The following MAPK10 variants were observed in gnomAD, a reference collection of about 807,000 sequenced individuals.
MAPK10 encodes the protein mitogen-activated protein kinase 10.
Under a neutral mutation model 59.3 loss-of-function variants are expected in MAPK10, and 25 were observed. The observed-to-expected ratio is 0.42, with a 90% confidence interval of 0.31 to 0.59. MAPK10 has a LOEUF of 0.59. Ranked by LOEUF, MAPK10 falls within the 20% of genes least tolerant of loss-of-function variation. The pLI is 0.15. For missense variants in MAPK10, 351 were observed against 568.9 expected, an observed-to-expected ratio of 0.62 and a Z score of 3.90; for synonymous variants, 190 against 200.5, an observed-to-expected ratio of 0.95 and a Z score of 0.44.
At chr4:86,495,404 G>A (rs1397997290) in intron 1 of MAPK10, among the ~76,000 whole-genome samples, 1 of 152,072 alleles carries the variant, frequency 6.6e-6, no homozygotes, top group African/African-American at 2.4e-5. Context: ...CCCTTCCCTT[G>A]AGACTATTTT....
chr4:86,465,139 T>A (rs1188415913), intron 1 of MAPK10, among the ~76,000 whole-genome samples: 6 of 152,216 alleles, frequency 3.9e-5, no homozygotes, highest in Non-Finnish European at 7.3e-5. Context: ...GTCACACATG[T>A]TCCCTTGTTT....
At chr4:86,204,452 T>A (rs928736173) in intron 2 of MAPK10, among the ~76,000 whole-genome samples, 1 of 151,906 alleles carries the variant, frequency 6.6e-6, no homozygotes, top group East Asian at 1.9e-4. Context: ...TAATTAACAT[T>A]AGAGTTATCA....
At chr4:86,251,523 G>T (rs866069553) in intron 2 of MAPK10, among the ~76,000 whole-genome samples, 1,979 of 135,628 alleles carry the variant, frequency 0.015, 61 homozygotes, top group African/African-American at 0.053. Flanking sequence ...TTTTATGGCT[G>T]CATAGTATTC....
At chr4:86,307,084 AAG>A (rs1426026529) in intron 2 of MAPK10, among the ~76,000 whole-genome samples, 3 of 152,208 alleles carry the variant, frequency 2.0e-5, no homozygotes, top group Non-Finnish European at 4.4e-5. Flanking sequence ...TGGGGGAAAA[AAG>A]AAGCAAAACT....
At position 86,354,444 on chromosome 4, in the gene MAPK10, C is replaced by T. The variant is rs1008477309; in HGVS notation, c.-7+86G>A. ...ATTTGGAGCAGTATTTCTCCAGCTC[C>T]ATGTACAAAACCATATGCAATATTT... On this transcript the variant is annotated intron_variant, in intron 2 of 13. Coordinates refer to ENST00000641462, the MANE Select transcript of MAPK10 (RefSeq NM_138982.4). The T allele has an allele frequency of 2.0e-5, 10 of 503,234 alleles. No individual in the cohort carries two copies. The East Asian group carries it at 3.5e-4, about 18-fold the overall frequency. The allele number at this position is 503,234 out of a possible 1,614,324, so 31.2% of individuals were successfully genotyped here.
chr4:86,235,124 A>G (rs1049765098), intron 2 of MAPK10, among the ~76,000 whole-genome samples: 1 of 152,222 alleles, frequency 6.6e-6, no homozygotes, highest in Non-Finnish European at 1.5e-5. Context: ...CATATATCAC[A>G]GAAACAAGTC....
chr4:86,560,877 G>A (rs1031488262), intron 1 of MAPK10, among the ~76,000 whole-genome samples: 20 of 152,200 alleles, frequency 1.3e-4, no homozygotes, highest in African/African-American at 4.8e-4. Flanking sequence ...AGCTGTGCAA[G>A]GAATGAAGCG....
intron 2 of MAPK10, among the ~76,000 whole-genome samples, chr4:86,212,217 A>T (rs2086035409): frequency 6.6e-6 from 1 of 152,150 alleles, no homozygotes. Context: ...TTAGATCCAA[A>T]GACAGAAATA....
At chr4:86,277,023 T>C (rs1482177558) in intron 2 of MAPK10, 4 of 152,172 alleles carry the variant, frequency 2.6e-5, no homozygotes, top group African/African-American at 4.8e-5. Context: ...ATATCATCTC[T>C]TCCCTGTGTG....
chr4:86,167,351 C>T (rs568129021), intron 3 of MAPK10, among the ~76,000 whole-genome samples: 9 of 152,292 alleles, frequency 5.9e-5, no homozygotes, highest in African/African-American at 1.9e-4. Flanking sequence ...GGAGGAACTT[C>T]CCTGTAACTC....
At chr4:86,334,795 T>C (rs1720096723) in intron 2 of MAPK10, among the ~76,000 whole-genome samples, 1 of 152,022 alleles carries the variant, frequency 6.6e-6, no homozygotes, top group Admixed American at 6.6e-5. Flanking sequence ...GAAAATATTG[T>C]TTTCTTATAA....
rs199745004 is a variant in MAPK10, at chr4:86,056,938, G to GTTTA, written c.1110+7324_1110+7327dup. Among the ~76,000 whole-genome samples the GTTTA allele has an allele frequency of 2.8e-3, 315 of 111,832 alleles. 26 individuals carry two copies. The highest frequency in any genetic ancestry group is 0.013 in the African/African-American group (293 of 22,336). 73.4% of individuals were successfully genotyped at this position (111,832 alleles called of 152,430 possible). A position where few individuals can be genotyped will look rare whatever the true frequency, so the allele number is the denominator to read the frequency against. ...TAGTCAGCTTGGTCAGGACTTTTTT[G>GTTTA]TTTATTTATTTTATTTTATTTTATT... is the stretch of plus-strand genomic sequence containing the variant. On this transcript the variant is annotated intron_variant, in intron 11 of 13. Coordinates refer to ENST00000641462, the MANE Select transcript of MAPK10 (RefSeq NM_138982.4).
chr4:86,372,520 A>AAAAC (rs1738931130), intron 1 of MAPK10, among the ~76,000 whole-genome samples: 3 of 90,006 alleles, frequency 3.3e-5, no homozygotes, highest in Non-Finnish European at 4.2e-5. Context: ...CATCTCAAAC[A>AAAAC]AAAGAAAGAA....
chr4:86,092,178 T>C (rs986218079), intron 9 of MAPK10, among the ~76,000 whole-genome samples: 18 of 152,272 alleles, frequency 1.2e-4, no homozygotes, highest in South Asian at 6.2e-4. Context: ...GATCTGAAAT[T>C]CTGATGTACA....
chr4:86,146,779 C>G (rs914503803), intron 4 of MAPK10, among the ~76,000 whole-genome samples: 3 of 152,214 alleles, frequency 2.0e-5, no homozygotes, highest in African/African-American at 7.2e-5. Flanking sequence ...GAGCTTCTAT[C>G]ATTTTCTGTT....
chr4:86,120,270 CTTGGT>C (rs1351345821), intron 4 of MAPK10: 29 of 152,290 alleles, frequency 1.9e-4, no homozygotes, highest in African/African-American at 6.7e-4. Context: ...CCACTTTGTG[CTTGGT>C]AGACACTAAA....
At chr4:86,462,616 T>C (rs560607307) in intron 1 of MAPK10, among the ~76,000 whole-genome samples, 1 of 152,274 alleles carries the variant, frequency 6.6e-6, no homozygotes, top group South Asian at 2.1e-4. Context: ...TAGCTGGAGT[T>C]GGTAAAGCCC....
chr4:86,135,816 T>C (rs1340051547), intron 4 of MAPK10, among the ~76,000 whole-genome samples: 1 of 151,972 alleles, frequency 6.6e-6, no homozygotes, highest in African/African-American at 2.4e-5. Context: ...ATAACTAGAA[T>C]AACTAATACA....
At chr4:86,271,841 C>T (rs1192254318) in intron 2 of MAPK10, among the ~76,000 whole-genome samples, 1 of 152,002 alleles carries the variant, frequency 6.6e-6, no homozygotes, top group Non-Finnish European at 1.5e-5. Context: ...GGGTCACTGC[C>T]CTCCATGATT....
Sources: gnomAD v4.1 joint callset for allele counts (sites outside exome capture counted in the v4.1 genomes callset) on GRCh38, gnomAD v4.1.1 for gene constraint, MANE v1.5 for transcripts, NCBI Gene and HGNC (gene_info 2026-07-23, HGNC 2026-07-21) for gene names.